The following RNF170 variants were observed in gnomAD, a reference collection of about 807,000 sequenced individuals.
RNF170 encodes the protein ring finger protein 170.
A neutral mutation model predicts 32.7 loss-of-function variants in RNF170; 12 were observed. The observed-to-expected ratio is 0.37, with a 90% confidence interval of 0.24 to 0.60. The LOEUF (loss-of-function observed/expected upper bound fraction) is 0.60, where lower values mean the gene tolerates loss of function less well. Among genes scored for constraint, RNF170 ranks in the 20% least tolerant of loss-of-function variants. The probability of loss-of-function intolerance (pLI) is 0.72; values close to 1 mark genes in which losing one functional copy is unlikely to be tolerated. For synonymous variants in RNF170, 91 were observed against 103.6 expected, an observed-to-expected ratio of 0.88 and a Z score of 0.74; for missense variants, 212 against 311.2, an observed-to-expected ratio of 0.68 and a Z score of 2.40.
chr8:42,894,044 G>T (rs1806532817), intron 1 of RNF170, among the ~76,000 whole-genome samples: 1 of 152,172 alleles, frequency 6.6e-6, no homozygotes, highest in Admixed American at 6.5e-5. Flanking sequence ...GGACTTCCTG[G>T]AACAAAGGAG....
intron 1 of RNF170, among the ~76,000 whole-genome samples, chr8:42,895,862 ACAAT>A (rs1428733371): frequency 6.6e-6 from 1 of 152,222 alleles, no homozygotes; most frequent in Non-Finnish European, 1.5e-5. Flanking sequence ...AGGCTAGGAG[ACAAT>A]CAGGCTCCGA....
At chr8:42,876,871 G>A (rs1222323328) in intron 2 of RNF170, among the ~76,000 whole-genome samples, 1 of 151,634 alleles carries the variant, frequency 6.6e-6, no homozygotes, top group Non-Finnish European at 1.5e-5. Context: ...TAGCCAGGAT[G>A]GTCTCAATCT....
intron 4 of RNF170, among the ~76,000 whole-genome samples, chr8:42,869,495 GAGAGAC>G (rs1279723610): frequency 2.0e-5 from 3 of 152,186 alleles, no homozygotes; most frequent in East Asian, 3.9e-4. Flanking sequence ...AAGAGGTTGA[GAGAGAC>G]AGAGACAGAG....
chr8:42,855,075 C>T lies in RNF170; in HGVS notation c.*1084G>A, dbSNP rs1033524722. On this transcript the variant is annotated 3_prime_UTR_variant, in exon 7 of 7. Coordinates refer to ENST00000527424, the MANE Select transcript of RNF170 (RefSeq NM_030954.4). Reference sequence around the variant, plus strand: ...CGAAGATTCACCTTCCTCAGAAATGCATCAGGCTACTCTGTGTTTGCAGCA... The same window carrying T: ...CGAAGATTCACCTTCCTCAGAAATGTATCAGGCTACTCTGTGTTTGCAGCA... The T allele has an allele frequency of 2.3e-6, 3 of 1,287,246 alleles. No homozygotes were observed. The highest frequency in any genetic ancestry group is 2.0e-6 in the Non-Finnish European group (2 of 988,700). The allele number at this position is 1,287,246 out of a possible 1,614,324, so 79.7% of individuals were successfully genotyped here.
intron 3 of RNF170, among the ~76,000 whole-genome samples, chr8:42,870,852 C>T (rs1804468899): frequency 6.6e-6 from 1 of 152,132 alleles, no homozygotes; most frequent in Non-Finnish European, 1.5e-5. Flanking sequence ...AAAGACCTCA[C>T]TAGGATGGAT....
intron 5 of RNF170, 42 bp from the exon 6 acceptor site, chr8:42,861,897 CATT>C (rs758503504): frequency 1.7e-5 from 26 of 1,540,062 alleles, no homozygotes; most frequent in Middle Eastern, 1.7e-4. Context: ...CTTTCTGCAT[CATT>C]ATGTTTTTTT....
At chr8:42,882,038 G>A (rs760588520) in intron 2 of RNF170, among the ~76,000 whole-genome samples, 2 of 152,110 alleles carry the variant, frequency 1.3e-5, no homozygotes, top group African/African-American at 4.8e-5. Flanking sequence ...ACCACAGTGA[G>A]TTACTACTTC....
chr8:42,886,040 C>A (rs537092204), intron 2 of RNF170, among the ~76,000 whole-genome samples: 1 of 151,986 alleles, frequency 6.6e-6, no homozygotes, highest in Non-Finnish European at 1.5e-5. Context: ...CTGGCTAACA[C>A]GGTGAAACCC....
chr8:42,854,565 G>A lies in RNF170; in HGVS notation c.*1594C>T, dbSNP rs1803099946. 7.8e-7 allele frequency: 1 copy of A among 1,286,926 alleles called. No individual in the cohort carries two copies. The highest frequency in any genetic ancestry group is 1.0e-6 in the Non-Finnish European group (1 of 988,480). The allele number at this position is 1,286,926 out of a possible 1,614,324, so 79.7% of individuals were successfully genotyped here. On this transcript the variant is annotated 3_prime_UTR_variant, in exon 7 of 7. Transcript: ENST00000527424. Reference sequence around the variant, plus strand: ...ATGACAAGCAACAGCTCTGTCCTAGGTCCAAATTAGAAAAACACATATTGA... The same window carrying A: ...ATGACAAGCAACAGCTCTGTCCTAGATCCAAATTAGAAAAACACATATTGA...
In RNF170 at chr8:42,854,017, T is replaced by C. The variant is rs1044807487; in HGVS notation, c.*2142A>G. The C allele has an allele frequency of 7.8e-6, 10 of 1,287,200 alleles. No individual in the cohort carries two copies. Among genetic ancestry groups the C allele is most frequent in the Non-Finnish European group, 1.0e-5 (10 of 988,682 alleles). 79.7% of individuals were successfully genotyped at this position (1,287,200 alleles called of 1,614,324 possible). The stretch of plus-strand genomic sequence containing the variant: ...CCATTCCCCCACACCAAATGTGTAA[T>C]TGGTAGGAAATGCATTTCCAGTCTG... On this transcript the variant is annotated 3_prime_UTR_variant, in exon 7 of 7. Coordinates refer to ENST00000527424, the MANE Select transcript of RNF170 (RefSeq NM_030954.4).
At chr8:42,875,643 C>A (rs1329529736) in intron 2 of RNF170, among the ~76,000 whole-genome samples, 1 of 152,166 alleles carries the variant, frequency 6.6e-6, no homozygotes, top group Non-Finnish European at 1.5e-5. Context: ...GTGGCACAAT[C>A]TCAACTCACT....
intron 1 of RNF170, among the ~76,000 whole-genome samples, chr8:42,888,501 G>A (rs1003501891): frequency 9.3e-5 from 14 of 150,570 alleles, no homozygotes; most frequent in African/African-American, 3.4e-4. Flanking sequence ...AGTGGCTCAC[G>A]CCTGTAATCC....
Position 42,853,312 on chromosome 8 carries a change from T to C in RNF170, c.*2847A>G. The stretch of plus-strand genomic sequence containing the variant: ...TAACACCTTTAAAATGTTTTAGATA[T>C]GTTGCTTTTATTCAAAAGAATAAAA... On this transcript the variant is annotated 3_prime_UTR_variant, in exon 7 of 7. Coordinates refer to ENST00000527424, the MANE Select transcript of RNF170 (RefSeq NM_030954.4). 1.7e-6 allele frequency: 2 copies of C among 1,197,654 alleles called. No individual in the cohort carries two copies. Among genetic ancestry groups the C allele is most frequent in the Non-Finnish European group, 2.1e-6 (2 of 942,054 alleles). The allele number at this position is 1,197,654 out of a possible 1,614,324, so 74.2% of individuals were successfully genotyped here.
At chr8:42,879,149 G>A (rs1245034096) in intron 2 of RNF170, among the ~76,000 whole-genome samples, 2 of 152,172 alleles carry the variant, frequency 1.3e-5, no homozygotes, top group East Asian at 1.9e-4. Context: ...CTCTAATGGA[G>A]ATGTACAAGG....
At chr8:42,896,349 G>T in intron 1 of RNF170, 135 bp downstream of exon 1, 1 of 415,708 alleles carries the variant, frequency 2.4e-6, no homozygotes, top group Non-Finnish European at 4.7e-6. Context: ...GAGGGGCCCG[G>T]GGGGAAGGAG....
chr8:42,860,476 G>A (rs1803573339), intron 6 of RNF170, among the ~76,000 whole-genome samples: 1 of 152,024 alleles, frequency 6.6e-6, no homozygotes, highest in African/African-American at 2.4e-5. Flanking sequence ...AGGCTGGAGT[G>A]CAGTGGCGTG....
chr8:42,865,841 C>T (rs916834993), intron 4 of RNF170, among the ~76,000 whole-genome samples: 8 of 152,026 alleles, frequency 5.3e-5, no homozygotes, highest in Non-Finnish European at 8.8e-5. Context: ...AAAAATTAGC[C>T]GGGTGCGGTG....
chr8:42,862,827 G>T (rs1803760154), intron 5 of RNF170, among the ~76,000 whole-genome samples: 1 of 152,212 alleles, frequency 6.6e-6, no homozygotes, highest in Non-Finnish European at 1.5e-5. Flanking sequence ...TTAGTGCTAG[G>T]TATGCCAGAA....
chr8:42,859,368 G>C (rs1376524209), intron 6 of RNF170, among the ~76,000 whole-genome samples: 1 of 151,540 alleles, frequency 6.6e-6, no homozygotes, highest in Non-Finnish European at 1.5e-5. Context: ...GGGCACGGTG[G>C]CTCACACCTG....
Sources: gnomAD v4.1 joint callset for allele counts (sites outside exome capture counted in the v4.1 genomes callset) on GRCh38, gnomAD v4.1.1 for gene constraint, MANE v1.5 for transcripts, NCBI Gene and HGNC (gene_info 2026-07-23, HGNC 2026-07-21) for gene names.